The following CA10 variants were observed in gnomAD, a reference collection of about 807,000 sequenced individuals.
CA10 encodes carbonic anhydrase 10 (inactive).
Under a neutral mutation model 44.2 loss-of-function variants are expected in CA10, and 14 were observed. That is an observed-to-expected ratio of 0.32 (90% CI 0.21 to 0.50). The LOEUF is 0.50. Among genes scored for constraint, CA10 ranks in the 20% least tolerant of loss-of-function variants. CA10 has a pLI of 0.99. For missense variants in CA10, 350 were observed against 409.7 expected (o/e 0.85, Z 1.26); for synonymous variants, 159 against 141.6 (o/e 1.12, Z -0.87).
chr17:52,073,877 A>G (rs759859857), intron 1 of CA10, among the ~76,000 whole-genome samples: 26 of 152,334 alleles, frequency 1.7e-4, no homozygotes, highest in Non-Finnish European at 2.9e-4. Context: ...GACTCTGGGA[A>G]TTTGCAGCAC....
rs569372163 is a variant in CA10, at chr17:51,945,118, C to T, written c.137-13986G>A. On this transcript the variant is annotated intron_variant, in intron 2 of 8. Coordinates refer to ENST00000451037, the MANE Select transcript of CA10 (RefSeq NM_020178.5). Reference sequence around the variant, plus strand: ...CAAGCAAGAATTCCTCCTTTTCATCCCTGCCCTTGGACAAGAGAAGCTAAT... The same window carrying T: ...CAAGCAAGAATTCCTCCTTTTCATCTCTGCCCTTGGACAAGAGAAGCTAAT... Among the ~76,000 whole-genome samples the T allele has an allele frequency of 2.0e-5, 3 of 152,120 alleles. No individual in the cohort carries two copies. In the East Asian group the frequency reaches 5.8e-4, roughly 29 times the overall value.
intron 2 of CA10, among the ~76,000 whole-genome samples, chr17:52,041,933 A>G (rs956029639): frequency 3.3e-5 from 5 of 152,026 alleles, no homozygotes; most frequent in African/African-American, 4.8e-5. Context: ...TCTTTTTTAC[A>G]ACTAAATAAT....
At chr17:52,043,919 G>A (rs909635853) in intron 2 of CA10, among the ~76,000 whole-genome samples, 1 of 152,050 alleles carries the variant, frequency 6.6e-6, no homozygotes, top group African/African-American at 2.4e-5. Context: ...TGATCAGGGT[G>A]TATGATTCTA....
chr17:52,141,072 CA>C (rs1989467984), intron 1 of CA10, among the ~76,000 whole-genome samples: 1 of 152,078 alleles, frequency 6.6e-6, no homozygotes, highest in Non-Finnish European at 1.5e-5. Context: ...GTTATGTTTT[CA>C]AAGAGCTGGC....
chr17:51,890,232 G>A (rs1404500219), intron 3 of CA10, among the ~76,000 whole-genome samples: 1 of 152,136 alleles, frequency 6.6e-6, no homozygotes, highest in East Asian at 1.9e-4. Flanking sequence ...GTCATTCATG[G>A]GGATAGAGTA....
chr17:51,973,249 G>C (rs144080082), intron 2 of CA10, among the ~76,000 whole-genome samples: 25 of 152,332 alleles, frequency 1.6e-4, no homozygotes, highest in Admixed American at 1.6e-3. Flanking sequence ...CTGAATTGTT[G>C]CCAGAGGGCA....
intron 2 of CA10, among the ~76,000 whole-genome samples, chr17:52,069,964 T>C (rs947337478): frequency 6.6e-6 from 1 of 152,236 alleles, no homozygotes; most frequent in East Asian, 1.9e-4. Flanking sequence ...CTCTTAACTT[T>C]ATAGTCAAGT....
chr17:51,747,729 T>A lies in CA10; in HGVS notation c.369A>T (p.Thr123=), dbSNP rs778089236. ...GGATCTCCTCCAGCCGGTGGCTGTA[T>A]GTCATGGGCCCTCCAGATATGTTGA... ...HLVNISGGPM[T]YSHRLEEIRL... The change falls in exon 4 of 9, where the codon ACA becomes ACT. Residue 123 remains threonine, a synonymous_variant. Coordinates refer to ENST00000451037, the MANE Select transcript of CA10 (RefSeq NM_020178.5). 1.2e-6 allele frequency: 2 copies of A among 1,614,126 alleles called. No individual in the cohort carries two copies. Among genetic ancestry groups the A allele is most frequent in the South Asian group, 2.2e-5 (2 of 91,076 alleles).
At chr17:51,967,836 T>C (rs1386792747) in intron 2 of CA10, among the ~76,000 whole-genome samples, 1 of 151,196 alleles carries the variant, frequency 6.6e-6, no homozygotes, top group East Asian at 1.9e-4. Flanking sequence ...AAATAAAAGT[T>C]GAAATTATAA....
At chr17:52,021,247 T>G (rs2319632) in intron 2 of CA10, among the ~76,000 whole-genome samples, 149,763 of 152,222 alleles carry the variant, frequency 0.98, 73,710 homozygotes, top group East Asian at 1. Context: ...CTTTGCCATT[T>G]TGAATACCAC....
Position 51,630,553 on chromosome 17 carries a change from G to A in CA10, c.*1031C>T, listed in dbSNP as rs1403903474. On this transcript the variant is annotated 3_prime_UTR_variant, in exon 9 of 9. Coordinates refer to ENST00000451037, the MANE Select transcript of CA10 (RefSeq NM_020178.5). ...AAGAAGTCTGTCGCCTGCTATCTCA[G>A]GCTGAAGCTCACCTCATGTGAATGA... The A allele has an allele frequency of 1.3e-5, 2 of 152,618 alleles. No homozygotes were observed. Among genetic ancestry groups the A allele is most frequent in the Non-Finnish European group, 2.9e-5 (2 of 68,050 alleles). The allele number at this position is 152,618 out of a possible 1,614,324, so 9.5% of individuals were successfully genotyped here. A position where few individuals can be genotyped will look rare whatever the true frequency, so the allele number is the denominator to read the frequency against.
intron 3 of CA10, among the ~76,000 whole-genome samples, chr17:51,878,893 G>T (rs199529412): frequency 0.12 from 6,193 of 50,146 alleles, 1,070 homozygotes; most frequent in African/African-American, 0.18. Flanking sequence ...TATATATATG[G>T]GTGTGTGTGT....
chr17:51,948,607 C>CT (rs768946039), intron 2 of CA10, among the ~76,000 whole-genome samples: 123 of 152,274 alleles, frequency 8.1e-4, no homozygotes, highest in Non-Finnish European at 1.4e-3. Context: ...TTCCCAGTCC[C>CT]TTCTCCTTAT....
chr17:51,719,930 G>A (rs182498288), intron 4 of CA10, among the ~76,000 whole-genome samples: 46 of 152,242 alleles, frequency 3.0e-4, no homozygotes, highest in Non-Finnish European at 3.1e-4. Flanking sequence ...TTTTAAGGAG[G>A]CAATGAAGTG....
intron 3 of CA10, among the ~76,000 whole-genome samples, chr17:51,819,565 T>G (rs936070430): frequency 1.3e-5 from 2 of 152,214 alleles, no homozygotes; most frequent in African/African-American, 4.8e-5. Context: ...TTAGCCTCAT[T>G]AAGAAACTGC....
chr17:52,095,880 C>T (rs555938124), intron 1 of CA10, among the ~76,000 whole-genome samples: 63 of 152,184 alleles, frequency 4.1e-4, no homozygotes, highest in African/African-American at 1.3e-3. Context: ...TATAACATGA[C>T]GTGCTAAATG....
At chr17:51,664,719 G>T (rs1914147657) in intron 4 of CA10, among the ~76,000 whole-genome samples, 1 of 152,066 alleles carries the variant, frequency 6.6e-6, no homozygotes, top group Non-Finnish European at 1.5e-5. Context: ...GGCTCTGAAA[G>T]CTTCAGCAAT....
chr17:51,960,807 C>T (rs203020), intron 2 of CA10, among the ~76,000 whole-genome samples: 101,327 of 152,056 alleles, frequency 0.67, 34,280 homozygotes, highest in African/African-American at 0.77. Flanking sequence ...AACATTAGAA[C>T]ATATTCTGAA....
At chr17:51,837,049 C>G (rs1908505352) in intron 3 of CA10, among the ~76,000 whole-genome samples, 1 of 151,030 alleles carries the variant, frequency 6.6e-6, no homozygotes, top group African/African-American at 2.4e-5. Context: ...CCATAAGAAA[C>G]AATATGTATA....
Sources: allele counts gnomAD v4.1 joint callset (sites outside exome capture counted in the v4.1 genomes callset), GRCh38; gene constraint gnomAD v4.1.1; transcripts MANE v1.5; gene names NCBI Gene and HGNC (gene_info 2026-07-23, HGNC 2026-07-21).